PLA2R1: variants seen among roughly 807,000 people sequenced by gnomAD.
PLA2R1 encodes secretory phospholipase A2 receptor.
A neutral mutation model predicts 195.9 loss-of-function variants in PLA2R1; 158 were observed. That is an observed-to-expected ratio of 0.81 (90% CI 0.71 to 0.92). PLA2R1 has a LOEUF of 0.92. Among genes scored for constraint, PLA2R1 ranks in the 40% least tolerant of loss-of-function variants. The probability of loss-of-function intolerance (pLI) is 0.00; values close to 1 mark genes in which losing one functional copy is unlikely to be tolerated. For synonymous variants in PLA2R1, 586 were observed against 598.2 expected, an observed-to-expected ratio of 0.98 and a Z score of 0.30; for missense variants, 1,626 against 1,764.6, an observed-to-expected ratio of 0.92 and a Z score of 1.41.
In PLA2R1 at chr2:160,044,947, T is replaced by A; in HGVS notation, c.320A>T (p.Asp107Val). 6.2e-7 allele frequency: 1 copy of A among 1,613,714 alleles called. No homozygotes were observed. Among genetic ancestry groups the A allele is most frequent in the South Asian group, 1.1e-5 (1 of 91,060 alleles). Residue 107 changes from aspartate to valine, a missense_variant, in exon 2 of 30, where the codon GAC becomes GTC. Physicochemically the swap from Asp to Val is radical, Grantham distance 152. Transcript: ENST00000283243. The part of the protein sequence containing the change: ...PEQPLSLYEC[D>V]STLVSLRWRC... ...CCACCGTAAGGAAACGAGGGTGGAG[T>A]CACATTCATATAAGCTTAATGGCTG...
intron 9 of PLA2R1, among the ~76,000 whole-genome samples, chr2:160,013,751 G>GTGTGTGTGTGTGTGTGTGTGTGTC (rs1486424551): frequency 7.7e-6 from 1 of 129,878 alleles, no homozygotes; most frequent in East Asian, 2.5e-4. Flanking sequence ...GTGTGTGTGT[G>GTGTGTGTGTGTGTGTGTGTGTGTC]TCTCTCTCTC....
At chr2:159,946,071 A>T (rs1380402417) in intron 27 of PLA2R1, 3 of 960,898 alleles carry the variant, frequency 3.1e-6, no homozygotes, top group Non-Finnish European at 3.7e-6. Flanking sequence ...CCATGTACCA[A>T]GGGGGTAGGG....
chr2:160,016,477 G>T (rs1337375042), intron 9 of PLA2R1, 137 bp downstream of exon 9: 7 of 587,570 alleles, frequency 1.2e-5, no homozygotes, highest in Non-Finnish European at 1.8e-5. Context: ...AAGAAGGGGG[G>T]GGTGCGAGGA....
At position 160,000,784 on chromosome 2, in the gene PLA2R1, A is replaced by G. The variant is rs944240997; in HGVS notation, c.1834+4868T>C. Among the ~76,000 whole-genome samples, 111 of 152,208 alleles carry G rather than the reference A, an allele frequency of 7.3e-4. 1 individual carries two copies. The highest frequency in any genetic ancestry group is 1.9e-4 in the Non-Finnish European group (13 of 68,026). ...TATAGTATCTAACACTGAAAACTAA[A>G]AAATAAAATTTAATTAGATCTGGCT... On this transcript the variant is annotated intron_variant, in intron 11 of 29. Coordinates refer to ENST00000283243, the MANE Select transcript of PLA2R1 (RefSeq NM_007366.5).
At chr2:160,031,898 C>T (rs1208911930) in intron 4 of PLA2R1, among the ~76,000 whole-genome samples, 1 of 152,326 alleles carries the variant, frequency 6.6e-6, no homozygotes, top group East Asian at 1.9e-4. Flanking sequence ...TCCTTAGTAG[C>T]TGGGACTACG....
At chr2:160,007,518 G>A (rs540625622) in intron 10 of PLA2R1, among the ~76,000 whole-genome samples, 3 of 152,370 alleles carry the variant, frequency 2.0e-5, no homozygotes, top group South Asian at 4.1e-4. Context: ...ACCGGTGGAA[G>A]AGCACACCGA....
chr2:159,924,866 T>C, the PLA2R1 span, among the ~76,000 whole-genome samples: 2 of 152,194 alleles, frequency 1.3e-5, no homozygotes, highest in Admixed American at 6.5e-5. Flanking sequence ...TTAGATCCTA[T>C]ATTTTGTTAA....
At chr2:160,004,654 C>G (rs1691849941) in intron 11 of PLA2R1, among the ~76,000 whole-genome samples, 1 of 152,244 alleles carries the variant, frequency 6.6e-6, no homozygotes, top group African/African-American at 2.4e-5. Context: ...GCTGTTGTCT[C>G]TGGCACAGCC....
At chr2:159,994,584 G>T (rs548754297) in intron 11 of PLA2R1, among the ~76,000 whole-genome samples, 2 of 151,948 alleles carry the variant, frequency 1.3e-5, no homozygotes, top group Non-Finnish European at 2.9e-5. Flanking sequence ...TTATTTTTTG[G>T]AAATAATGCT....
In PLA2R1 at chr2:159,933,822, A is replaced by G. The variant is rs368547322; in HGVS notation, c.*7956T>C. On this transcript the variant is annotated 3_prime_UTR_variant, in exon 30 of 30. Transcript: ENST00000283243. ...CATTTAGGTTTTCACTTTCTAAATC[A>G]GGGGTTGGCAAACTTCCTGTAAGGG... 1 of 152,354 alleles carries G rather than the reference A, an allele frequency of 6.6e-6. No homozygotes were observed. Among genetic ancestry groups the G allele is most frequent in the South Asian group, 2.1e-4 (1 of 4,830 alleles). 9.4% of individuals were successfully genotyped at this position (152,354 alleles called of 1,614,324 possible). A position where few individuals can be genotyped will look rare whatever the true frequency, so the allele number is the denominator to read the frequency against.
In PLA2R1 at chr2:159,956,558, C is replaced by T. The variant is rs1272376706; in HGVS notation, c.2974G>A (p.Ala992Thr). The part of the protein sequence containing the change: ...KNWTHAQHFC[A>T]EEGGTLVAIE... ...GCGACCAGGGTCCCCCCTTCTTCAG[C>T]ACAGAAATGTTGAGCATGCGTCCAG... The change falls in exon 21 of 30, where the codon GCT (alanine) becomes ACT (threonine). Residue 992 changes from alanine (A) to threonine (T), a missense_variant. Physicochemically the swap from Ala to Thr is moderately conservative, Grantham distance 58. Transcript: ENST00000283243. The T allele has an allele frequency of 3.7e-6, 6 of 1,613,730 alleles. No homozygotes were observed. The highest frequency in any genetic ancestry group is 5.1e-6 in the Non-Finnish European group (6 of 1,179,790).
At chr2:160,008,984 C>T (rs548961880) in intron 10 of PLA2R1, among the ~76,000 whole-genome samples, 2 of 152,180 alleles carry the variant, frequency 1.3e-5, no homozygotes, top group African/African-American at 4.8e-5. Flanking sequence ...GAATGCAGAT[C>T]AAAACCACAG....
At chr2:159,990,696 G>A (rs1332149394) in intron 11 of PLA2R1, among the ~76,000 whole-genome samples, 1 of 152,212 alleles carries the variant, frequency 6.6e-6, no homozygotes, top group African/African-American at 2.4e-5. Context: ...GTATCTGCCA[G>A]GCACTGTGCT....
intron 11 of PLA2R1, among the ~76,000 whole-genome samples, chr2:159,993,043 G>A (rs973204525): frequency 1.3e-5 from 2 of 152,024 alleles, no homozygotes; most frequent in African/African-American, 2.4e-5. Flanking sequence ...AAGTGTTTTC[G>A]AATGTCTTAA....
intron 3 of PLA2R1, among the ~76,000 whole-genome samples, chr2:160,035,890 T>C (rs997457391): frequency 3.3e-5 from 5 of 152,178 alleles, no homozygotes; most frequent in Non-Finnish European, 5.9e-5. Context: ...AACTGTTAGT[T>C]TGAGACTTTA....
chr2:159,952,311 T>G (rs1687790893), intron 23 of PLA2R1, among the ~76,000 whole-genome samples: 1 of 152,200 alleles, frequency 6.6e-6, no homozygotes, highest in South Asian at 2.1e-4. Flanking sequence ...ACGTGTTTCC[T>G]CTCTAATATG....
rs1183854020 is a variant in PLA2R1 at position 159,939,610 on chromosome 2, G to A, written c.*2168C>T. The A allele has an allele frequency of 6.6e-6, 1 of 152,042 alleles. No individual in the cohort carries two copies. Among genetic ancestry groups the A allele is most frequent in the East Asian group, 1.9e-4 (1 of 5,192 alleles). 9.4% of individuals were successfully genotyped at this position (152,042 alleles called of 1,614,324 possible). On this transcript the variant is annotated 3_prime_UTR_variant, in exon 30 of 30. Coordinates refer to ENST00000283243, the MANE Select transcript of PLA2R1 (RefSeq NM_007366.5). ...TCTGCAAATTCAGTAATGGCAAGAA[G>A]TGTGTGATCTGTCCATGGGTCCAGA...
At chr2:159,977,805 T>C (rs2105279787) in intron 14 of PLA2R1, among the ~76,000 whole-genome samples, 1 of 152,114 alleles carries the variant, frequency 6.6e-6, no homozygotes, top group African/African-American at 2.4e-5. Flanking sequence ...TAGCTGGTTG[T>C]GGTGGTGGGC....
At chr2:159,976,265 T>G in intron 16 of PLA2R1, 40 bp from the exon 17 acceptor site, 1 of 1,455,030 alleles carries the variant, frequency 6.9e-7, no homozygotes. Flanking sequence ...AAATGATAAA[T>G]AGGTATGCTA....
Sources: gnomAD v4.1 joint callset for allele counts (sites outside exome capture counted in the v4.1 genomes callset) on GRCh38, gnomAD v4.1.1 for gene constraint, MANE v1.5 for transcripts, NCBI Gene and HGNC (gene_info 2026-07-23, HGNC 2026-07-21) for gene names.